FRMPD4: variants seen among roughly 807,000 people sequenced by gnomAD.
FRMPD4 encodes the protein FERM and PDZ domain containing 4, also known as FERM and PDZ domain-containing protein 4.
A neutral mutation model predicts 94.1 loss-of-function variants in FRMPD4; 22 were observed. The observed-to-expected ratio is 0.23, with a 90% confidence interval of 0.17 to 0.33. FRMPD4 has a LOEUF of 0.33. Among genes scored for constraint, FRMPD4 ranks in the 10% least tolerant of loss-of-function variants. The pLI is 1.00. For missense variants in FRMPD4, 1,111 were observed against 1,339.9 expected, an observed-to-expected ratio of 0.83 and a Z score of 2.67; for synonymous variants, 631 against 548.6, an observed-to-expected ratio of 1.15 and a Z score of -2.10.
At chrX:12,720,023 AG>A (rs201615284) in intron 16 of FRMPD4, among the ~76,000 whole-genome samples, 13,163 of 62,003 alleles carry the variant, frequency 0.21, 1,075 homozygotes, top group Middle Eastern at 0.39. Context: ...AGGAAAGGAA[AG>A]GAAAGGAAAG....
intron 1 of FRMPD4, among the ~76,000 whole-genome samples, chrX:12,192,001 C>A (rs2056498232): frequency 1.8e-5 from 2 of 111,535 alleles, no homozygotes; most frequent in African/African-American, 6.5e-5. Flanking sequence ...AATCTCTATA[C>A]CTTCTGCTTA....
chrX:12,109,354 A>G (rs1287284118), intron 3 of FRMPD4, among the ~76,000 whole-genome samples: 22 of 112,202 alleles, frequency 2.0e-4, no homozygotes, highest in Non-Finnish European at 1.9e-5. Flanking sequence ...AGGCAGAAAT[A>G]AAGATGTTCT....
intron 1 of FRMPD4, among the ~76,000 whole-genome samples, chrX:12,412,653 TG>T (rs2056748842): frequency 8.9e-6 from 1 of 112,319 alleles, no homozygotes; most frequent in Non-Finnish European, 1.9e-5. Flanking sequence ...TGCCTGATAA[TG>T]GCAGCAAAGG....
At position 12,717,568 on chromosome X, in the gene FRMPD4, T is replaced by C. The variant is rs1390802481; in HGVS notation, c.2742T>C (p.Ser914=). The change falls in exon 16 of 17, where the codon TCT becomes TCC. Residue 914 remains serine, a synonymous_variant. Coordinates refer to ENST00000675598, the MANE Select transcript of FRMPD4 (RefSeq NM_001368397.1). The part of the protein sequence containing the change: ...SSDSGNETNS[S]EMTESSELAT... ...ACTCGGGCAATGAAACTAACTCTTC[T>C]GAAATGACTGAGAGTTCTGAACTGG... 1 of 1,200,690 alleles carries C rather than the reference T, an allele frequency of 8.3e-7. No homozygotes were observed.
chrX:12,311,738 T>TTTTTTTTTTTTTTTTTTTTGAGACGGA (rs2055033938), intron 1 of FRMPD4, among the ~76,000 whole-genome samples: 1 of 111,951 alleles, frequency 8.9e-6, no homozygotes. Context: ...TCCACTGTCT[T>TTTTTTTTTTTTTTTTTTTTGAGACGGA]GTAACTTCCG....
intron 1 of FRMPD4, among the ~76,000 whole-genome samples, chrX:12,395,433 A>G (rs2056531174): frequency 8.9e-6 from 1 of 112,548 alleles, no homozygotes; most frequent in African/African-American, 3.2e-5. Context: ...TGGGCAATTT[A>G]CTTCCAGTTA....
At chrX:12,436,365 G>A (rs747487827) in intron 1 of FRMPD4, among the ~76,000 whole-genome samples, 5 of 110,464 alleles carry the variant, frequency 4.5e-5, no homozygotes, top group Non-Finnish European at 9.5e-5. Context: ...TCTTTCTAGA[G>A]GTTTATTTCA....
chrX:12,697,380 T>C (rs2060143635), intron 9 of FRMPD4, among the ~76,000 whole-genome samples: 1 of 112,269 alleles, frequency 8.9e-6, no homozygotes, highest in Non-Finnish European at 1.9e-5. Context: ...CATTGTTAGT[T>C]GCAAATAAAT....
At chrX:11,886,992 C>A (rs776593807) in intron 3 of FRMPD4, among the ~76,000 whole-genome samples, 1 of 111,037 alleles carries the variant, frequency 9.0e-6, no homozygotes. Context: ...ACAGCATTCT[C>A]ACAATCATCT....
At chrX:12,389,030 G>A (rs777835458) in intron 1 of FRMPD4, among the ~76,000 whole-genome samples, 30 of 108,525 alleles carry the variant, frequency 2.8e-4, no homozygotes, top group African/African-American at 1.0e-3. Context: ...AAGCAGAGTA[G>A]AATGGTGATT....
rs748139144 is a variant in FRMPD4 at position 11,917,827 on chromosome X, A to G, written c.95+39809A>G. Among the ~76,000 whole-genome samples, 4 of 109,515 alleles carry G rather than the reference A, an allele frequency of 3.7e-5. No individual in the cohort carries two copies. The Admixed American group carries it at 3.9e-4, about 11-fold the overall frequency. ...TGGGTGATGGGTTCAGTGGAAGCCCAAAGCCCGGGATTACACAATATACCC... is the reference window on the plus strand; with the variant it reads ...TGGGTGATGGGTTCAGTGGAAGCCCGAAGCCCGGGATTACACAATATACCC... On this transcript the variant is annotated intron_variant, in intron 3 of 18. Coordinates refer to the FRMPD4 transcript ENST00000640291.
At chrX:11,871,860 C>A (rs890033296) in intron 2 of FRMPD4, among the ~76,000 whole-genome samples, 3 of 111,924 alleles carry the variant, frequency 2.7e-5, no homozygotes, top group Non-Finnish European at 5.6e-5. Flanking sequence ...AAACAAGGTG[C>A]AGCACAACAA....
intron 1 of FRMPD4, among the ~76,000 whole-genome samples, chrX:12,304,173 A>G (rs1306771429): frequency 1.8e-5 from 2 of 111,890 alleles, no homozygotes; most frequent in Non-Finnish European, 3.8e-5. Flanking sequence ...AGGTGTCAGT[A>G]CTAAATATTA....
chrX:12,051,740 T>A (rs1158568140), intron 3 of FRMPD4, among the ~76,000 whole-genome samples: 2 of 110,612 alleles, frequency 1.8e-5, no homozygotes, highest in African/African-American at 6.6e-5. Context: ...CAATCATCCA[T>A]CCATTCACCC....
intron 1 of FRMPD4, among the ~76,000 whole-genome samples, chrX:12,420,918 T>C (rs1218719481): frequency 8.9e-6 from 1 of 112,707 alleles, no homozygotes; most frequent in East Asian, 2.8e-4. Flanking sequence ...TTCGTATTTC[T>C]TTTCAATTTA....
At chrX:11,894,266 C>G (rs959625407) in intron 3 of FRMPD4, among the ~76,000 whole-genome samples, 1 of 112,165 alleles carries the variant, frequency 8.9e-6, no homozygotes, top group African/African-American at 3.2e-5. Context: ...GGGAAACTCT[C>G]ATCATATGAG....
intron 3 of FRMPD4, among the ~76,000 whole-genome samples, chrX:11,967,128 T>A (rs771177315): frequency 1.8e-5 from 2 of 112,437 alleles, no homozygotes; most frequent in South Asian, 7.4e-4. Context: ...TATATACTTA[T>A]TTTTTGGAGA....
intron 1 of FRMPD4, among the ~76,000 whole-genome samples, chrX:11,843,751 G>T (rs1195312120): frequency 9.1e-6 from 1 of 109,390 alleles, no homozygotes; most frequent in Non-Finnish European, 1.9e-5. Flanking sequence ...GGGTCTTGCT[G>T]TGTTCACCAG....
At chrX:12,617,523 A>G (rs2148428751) in intron 4 of FRMPD4, among the ~76,000 whole-genome samples, 1 of 112,327 alleles carries the variant, frequency 8.9e-6, no homozygotes, top group East Asian at 2.8e-4. Flanking sequence ...AAGTTTAGTC[A>G]TCTGTCTGCC....
Sources: gnomAD v4.1 joint callset for allele counts (sites outside exome capture counted in the v4.1 genomes callset) on GRCh38, gnomAD v4.1.1 for gene constraint, MANE v1.5 for transcripts, NCBI Gene and HGNC (gene_info 2026-07-23, HGNC 2026-07-21) for gene names.